Variants in SLFN5 observed in about 807,000 individuals in gnomAD.
SLFN5 encodes schlafen family member 5.
Under a neutral mutation model 48.5 loss-of-function variants are expected in SLFN5, and 34 were observed. The ratio of observed to expected loss-of-function variants is 0.70; its 90% CI spans 0.53 to 0.93. The LOEUF (loss-of-function observed/expected upper bound fraction) is 0.93. Among genes scored for constraint, SLFN5 ranks in the 40% least tolerant of loss-of-function variants. The pLI is 0.00. For missense variants in SLFN5, 1,006 were observed against 1,071.3 expected (o/e 0.94, Z 0.85); for synonymous variants, 387 against 396.2 (o/e 0.98, Z 0.28).
Position 35,265,705 on chromosome 17 carries a change from T to C in SLFN5, c.2493T>C (p.Asp831=). ...EESDLLLQIG[D]ASDVLTDHIV... ...CTGATCTGTTACTACAGATCGGTGATGCGTCGGATGTTCTAACCGATCACA... is the reference window on the plus strand; with the variant it reads ...CTGATCTGTTACTACAGATCGGTGACGCGTCGGATGTTCTAACCGATCACA... The change falls in exon 5 of 5, where the codon GAT becomes GAC. Residue 831 remains aspartate, a synonymous_variant. Coordinates refer to ENST00000299977, the MANE Select transcript of SLFN5 (RefSeq NM_144975.4). 4 of 1,614,212 alleles carry C rather than the reference T, an allele frequency of 2.5e-6. No homozygotes were observed. Among genetic ancestry groups the C allele is most frequent in the Non-Finnish European group, 3.4e-6 (4 of 1,180,034 alleles).
intron 3 of SLFN5, among the ~76,000 whole-genome samples, chr17:35,261,673 G>C (rs1351521874): frequency 2.8e-5 from 3 of 105,714 alleles, no homozygotes; most frequent in Admixed American, 1.2e-4. Flanking sequence ...CAAGCCACCA[G>C]TCTTTTTTTT....
chr17:35,255,569 C>T (rs2092452260), intron 1 of SLFN5, among the ~76,000 whole-genome samples: 1 of 152,182 alleles, frequency 6.6e-6, no homozygotes, highest in South Asian at 2.1e-4. Flanking sequence ...AAAAGACATA[C>T]ATGGAACAAT....
In SLFN5 at chr17:35,264,839, T is replaced by C. The variant is rs1176329877; in HGVS notation, c.1795T>C (p.Phe599Leu). ...GATCATGGAGAAGATCAGGAATGTG[T>C]TTCACTGTGAACCGGCTAACATTCT... ...LRIMEKIRNV[F>L]HCEPANILYI... is the part of the protein sequence containing the mutation. The change falls in exon 4 of 5, where the codon TTT (phenylalanine) becomes CTT (leucine). Residue 599 changes from phenylalanine (F) to leucine (L), a missense_variant. Physicochemically the swap from Phe to Leu is conservative, Grantham distance 22 (BLOSUM62 0). Coordinates refer to ENST00000299977, the MANE Select transcript of SLFN5 (RefSeq NM_144975.4). 1 of 1,595,074 alleles carries C rather than the reference T, an allele frequency of 6.3e-7. No homozygotes were observed. Among genetic ancestry groups the C allele is most frequent in the Non-Finnish European group, 8.5e-7 (1 of 1,173,006 alleles).
chr17:35,258,601 C>G (rs1032642445), intron 1 of SLFN5, 50 bp from the exon 2 acceptor site: 33 of 1,475,608 alleles, frequency 2.2e-5, no homozygotes, highest in Non-Finnish European at 3.0e-5. Flanking sequence ...GGTTTTCCTG[C>G]CTCTCCTATT....
intron 1 of SLFN5, among the ~76,000 whole-genome samples, chr17:35,251,703 CTTTTTTTTTTTT>C (rs34854448): frequency 1.2e-5 from 1 of 84,970 alleles, no homozygotes; most frequent in Non-Finnish European, 2.2e-5. Flanking sequence ...GGCGCCCGGA[CTTTTTTTTTTTT>C]TTTTTTTTTT....
rs916611231 is a variant in SLFN5 at position 35,271,025 on chromosome 17, C to T, written c.*5137C>T. 2 of 152,136 alleles carry T rather than the reference C, an allele frequency of 1.3e-5. No homozygotes were observed. The highest frequency in any genetic ancestry group is 2.9e-5 in the Non-Finnish European group (2 of 68,016). 9.4% of individuals were successfully genotyped at this position (152,136 alleles called of 1,614,324 possible). On this transcript the variant is annotated 3_prime_UTR_variant, in exon 5 of 5. Transcript: ENST00000299977. Reference sequence around the variant, plus strand: ...TCTACAAAAAGAAGTGTGAATTTGACAATAACTATTTCACTAGCAAGGGTA... The same window carrying T: ...TCTACAAAAAGAAGTGTGAATTTGATAATAACTATTTCACTAGCAAGGGTA...
At position 35,265,800 on chromosome 17, in the gene SLFN5, T is replaced by C. The variant is rs1354309103; in HGVS notation, c.2588T>C (p.Val863Ala). Reference sequence around the variant, plus strand: ...ATCGTGTTTGGAATCAATCCAGGAGTAGCCCCACCGGCTGGGGCCTACAAT... The same window carrying C: ...ATCGTGTTTGGAATCAATCCAGGAGCAGCCCCACCGGCTGGGGCCTACAAT... Reference protein sequence around the residue: ...RNIVFGINPGVAPPAGAYNLL... With the variant: ...RNIVFGINPGAAPPAGAYNLL... Residue 863 changes from valine to alanine, a missense_variant, in exon 5 of 5, where the codon GTA (valine) becomes GCA (alanine). Physicochemically the swap from Val to Ala is moderately conservative, Grantham distance 64. Transcript: ENST00000299977. The C allele has an allele frequency of 4.3e-6, 7 of 1,613,840 alleles. No homozygotes were observed. The Admixed American group carries it at 1.0e-4, about 23-fold the overall frequency.
At chr17:35,260,453 G>A (rs1012251280) in intron 2 of SLFN5, among the ~76,000 whole-genome samples, 9 of 152,208 alleles carry the variant, frequency 5.9e-5, no homozygotes, top group East Asian at 3.9e-4. Context: ...GTCTGGGCAC[G>A]GTGGCTCATG....
rs1904653008 is a variant in SLFN5, at chr17:35,265,469, G to C, written c.2257G>C (p.Gly753Arg). The C allele has an allele frequency of 6.2e-7, 1 of 1,614,206 alleles. No homozygotes were observed. The highest frequency in any genetic ancestry group is 8.5e-7 in the Non-Finnish European group (1 of 1,180,050). ...VMLYEPKWAQ[G>R]VPGNLEIIED... The stretch of plus-strand genomic sequence containing the variant: ...GCTCTATGAACCTAAATGGGCTCAA[G>C]GTGTCCCAGGCAACTTAGAGATTAT... The change falls in exon 5 of 5, where the codon GGT becomes CGT. Residue 753 changes from glycine to arginine, a missense_variant. Coordinates refer to ENST00000299977, the MANE Select transcript of SLFN5 (RefSeq NM_144975.4).
chr17:35,247,701 T>C (rs895149361), intron 1 of SLFN5, among the ~76,000 whole-genome samples: 1 of 152,190 alleles, frequency 6.6e-6, no homozygotes, highest in African/African-American at 2.4e-5. Flanking sequence ...CTTTTTTGTG[T>C]GTTTGTGTTG....
chr17:35,249,579 G>T (rs927612669), intron 1 of SLFN5, among the ~76,000 whole-genome samples: 3 of 152,202 alleles, frequency 2.0e-5, no homozygotes, highest in African/African-American at 7.2e-5. Context: ...CAGGTGGTAG[G>T]TATTTCAAGT....
Position 35,265,317 on chromosome 17 carries a change from A to C in SLFN5, c.2105A>C (p.Gln702Pro). 1 of 1,614,212 alleles carries C rather than the reference A, an allele frequency of 6.2e-7. No homozygotes were observed. Among genetic ancestry groups the C allele is most frequent in the South Asian group, 1.1e-5 (1 of 91,082 alleles). ...SCSGLPPPSD[Q>P]YPREEINRVV... Reference sequence around the variant, plus strand: ...AGTGGCCTCCCCCCTCCCTCAGACCAGTATCCAAGAGAAGAGATCAACAGA... The same window carrying C: ...AGTGGCCTCCCCCCTCCCTCAGACCCGTATCCAAGAGAAGAGATCAACAGA... The change falls in exon 5 of 5, where the codon CAG becomes CCG. Residue 702 changes from glutamine (Q) to proline (P), a missense_variant. Transcript: ENST00000299977.
chr17:35,255,139 T>C (rs2092451394), intron 1 of SLFN5, among the ~76,000 whole-genome samples: 1 of 152,226 alleles, frequency 6.6e-6, no homozygotes, highest in Non-Finnish European at 1.5e-5. Flanking sequence ...TAAGTTAGAA[T>C]CTCCTGTTAT....
rs1904465758 is a variant in SLFN5 at position 35,259,679 on chromosome 17, C to T, written c.989C>T (p.Ala330Val). ...CAATTGCCCACAAGAGAATGGACTG[C>T]TTGGATGATGGAAGCTGACCCAGGT... Reference protein sequence around the residue: ...VRQLPTREWTAWMMEADPDLS... With the variant: ...VRQLPTREWTVWMMEADPDLS... The change falls in exon 2 of 5, where the codon GCT becomes GTT. Residue 330 changes from alanine to valine, a missense_variant. Physicochemically the swap from Ala to Val is moderately conservative, Grantham distance 64. Coordinates refer to ENST00000299977, the MANE Select transcript of SLFN5 (RefSeq NM_144975.4). 2 of 1,599,958 alleles carry T rather than the reference C, an allele frequency of 1.3e-6. No homozygotes were observed. The highest frequency in any genetic ancestry group is 1.3e-5 in the African/African-American group (1 of 74,892).
At chr17:35,254,830 A>G (rs1426898033) in intron 1 of SLFN5, among the ~76,000 whole-genome samples, 2 of 152,200 alleles carry the variant, frequency 1.3e-5, no homozygotes, top group Non-Finnish European at 1.5e-5. Context: ...CAGCCTGGCT[A>G]ACATGGCGAA....
At chr17:35,249,980 T>C (rs1184723052) in intron 1 of SLFN5, among the ~76,000 whole-genome samples, 1 of 152,134 alleles carries the variant, frequency 6.6e-6, no homozygotes, top group Non-Finnish European at 1.5e-5. Flanking sequence ...CCAATATCCA[T>C]AGAAGTCAGA....
Position 35,258,920 on chromosome 17 carries a change from A to T in SLFN5, c.230A>T (p.Asp77Val), listed in dbSNP as rs1292111586. Reference protein sequence around the residue: ...YNYERHGVGLDVPPIFRSHLD... With the variant: ...YNYERHGVGLVVPPIFRSHLD... ...TATGAACGTCATGGAGTAGGATTGG[A>T]TGTGCCTCCAATTTTCAGAAGCCAT... is the stretch of plus-strand genomic sequence containing the variant. The change falls in exon 2 of 5, where the codon GAT (aspartate) becomes GTT (valine). Residue 77 changes from aspartate (D) to valine (V), a missense_variant. By Grantham distance (152) the Asp-to-Val change is radical. Transcript: ENST00000299977. The T allele has an allele frequency of 1.9e-6, 3 of 1,614,234 alleles. No individual in the cohort carries two copies. Among genetic ancestry groups the T allele is most frequent in the Non-Finnish European group, 2.5e-6 (3 of 1,180,044 alleles).
rs775979925 is a variant in SLFN5, at chr17:35,258,729, G to T, written c.39G>T (p.Glu13Asp). Reference sequence around the variant, plus strand: ...TTGATGTGGATACAAACTTTCCTGAGTGTGTTGTAGATGCAGGAAAAGTCA... The same window carrying T: ...TTGATGTGGATACAAACTTTCCTGATTGTGTTGTAGATGCAGGAAAAGTCA... ...LRIDVDTNFPECVVDAGKVTL... is the reference protein window; with the variant it reads ...LRIDVDTNFPDCVVDAGKVTL... Residue 13 changes from glutamate to aspartate, a missense_variant, in exon 2 of 5, where the codon GAG (glutamate) becomes GAT (aspartate). Coordinates refer to ENST00000299977, the MANE Select transcript of SLFN5 (RefSeq NM_144975.4). 24 of 1,613,978 alleles carry T rather than the reference G, an allele frequency of 1.5e-5. No homozygotes were observed. In the Admixed American group the frequency reaches 3.8e-4, roughly 26 times the overall value.
chr17:35,255,952 A>G (rs1329092593), intron 1 of SLFN5, among the ~76,000 whole-genome samples: 1 of 152,226 alleles, frequency 6.6e-6, no homozygotes, highest in Non-Finnish European at 1.5e-5. Context: ...CTCCCTAAAT[A>G]ACACATTATT....
Sources: gnomAD v4.1 joint callset for allele counts (sites outside exome capture counted in the v4.1 genomes callset) on GRCh38, gnomAD v4.1.1 for gene constraint, MANE v1.5 for transcripts, NCBI Gene and HGNC (gene_info 2026-07-23, HGNC 2026-07-21) for gene names.